PLEKHA7: variants seen among roughly 807,000 people sequenced by gnomAD.
PLEKHA7 encodes the protein pleckstrin homology domain-containing family A member 7.
Under a neutral mutation model 170.0 loss-of-function variants are expected in PLEKHA7, and 104 were observed. That is an observed-to-expected ratio of 0.61 (90% CI 0.52 to 0.72). PLEKHA7 has a LOEUF of 0.72. Ranked by LOEUF, PLEKHA7 falls within the 30% of genes least tolerant of loss-of-function variation. PLEKHA7 has a pLI of 0.00. For synonymous variants in PLEKHA7, 648 were observed against 660.8 expected (o/e 0.98, Z 0.30); for missense variants, 1,615 against 1,671.7 (o/e 0.97, Z 0.59).
At chr11:16,971,286 C>G (rs1862696899) in intron 3 of PLEKHA7, among the ~76,000 whole-genome samples, 1 of 152,212 alleles carries the variant, frequency 6.6e-6, no homozygotes, top group South Asian at 2.1e-4. Flanking sequence ...AAATGCCAGC[C>G]TGTTCTGTAA....
intron 8 of PLEKHA7, among the ~76,000 whole-genome samples, chr11:16,843,053 C>T (rs758075926): frequency 3.9e-5 from 6 of 152,208 alleles, no homozygotes; most frequent in African/African-American, 1.2e-4. Flanking sequence ...GTAAGCTACA[C>T]GAGAGTGGGA....
chr11:16,928,939 GATATTTACCAA>G (rs1683906507), intron 3 of PLEKHA7, among the ~76,000 whole-genome samples: 1 of 152,028 alleles, frequency 6.6e-6, no homozygotes, highest in African/African-American at 2.4e-5. Context: ...CTACTAGAGG[GATATTTACCAA>G]AATGTTAACA....
chr11:16,883,504 A>AGC (rs1482706003), intron 3 of PLEKHA7, among the ~76,000 whole-genome samples: 1 of 152,126 alleles, frequency 6.6e-6, no homozygotes, highest in Non-Finnish European at 1.5e-5. Flanking sequence ...CTCATGTTAA[A>AGC]GCCTCTTTAT....
intron 9 of PLEKHA7, among the ~76,000 whole-genome samples, chr11:16,839,675 C>T (rs1178189888): frequency 6.6e-6 from 1 of 151,954 alleles, no homozygotes; most frequent in Non-Finnish European, 1.5e-5. Context: ...ATAGCATTTA[C>T]ATTGTATTAG....
intron 3 of PLEKHA7, among the ~76,000 whole-genome samples, chr11:16,999,821 A>G (rs142694154): frequency 6.6e-6 from 1 of 152,300 alleles, no homozygotes; most frequent in Non-Finnish European, 1.5e-5. Flanking sequence ...AGATGCTTCT[A>G]CTTTCAGTGT....
Position 16,826,541 on chromosome 11 carries a change from C to G in PLEKHA7, c.922G>C (p.Glu308Gln). ...RQAVPQANHT[E>Q]SCHECGRVGP... is the part of the protein sequence containing the mutation. The stretch of plus-strand genomic sequence containing the variant: ...ACCCGGCCACATTCGTGACAGGACT[C>G]TGTGTGGTTGGCCTGGGGGACAGCC... Residue 308 changes from glutamate (E) to glutamine (Q), a missense_variant, in exon 10 of 27, where the codon GAG (glutamate) becomes CAG (glutamine). Coordinates refer to ENST00000531066, the MANE Select transcript of PLEKHA7 (RefSeq NM_001329630.2). The G allele has an allele frequency of 6.2e-7, 1 of 1,614,184 alleles. No individual in the cohort carries two copies. The highest frequency in any genetic ancestry group is 8.5e-7 in the Non-Finnish European group (1 of 1,180,040).
At chr11:16,995,184 C>G (rs80278134) in intron 3 of PLEKHA7, among the ~76,000 whole-genome samples, 9 of 152,280 alleles carry the variant, frequency 5.9e-5, no homozygotes, top group African/African-American at 2.2e-4. Context: ...CAGGATCACA[C>G]CACAAGCTAG....
intron 17 of PLEKHA7, among the ~76,000 whole-genome samples, chr11:16,798,752 A>C (rs571720743): frequency 3.3e-5 from 5 of 152,332 alleles, no homozygotes; most frequent in African/African-American, 9.6e-5. Context: ...ATATCCATCA[A>C]CTTTTAAGAT....
intron 24 of PLEKHA7, 38 bp downstream of exon 24, chr11:16,786,191 T>C: frequency 6.5e-7 from 1 of 1,531,586 alleles, no homozygotes; most frequent in Non-Finnish European, 8.7e-7. Flanking sequence ...TTGAAGGCCA[T>C]GTCTCCTGGA....
intron 3 of PLEKHA7, among the ~76,000 whole-genome samples, chr11:16,877,736 G>T (rs1024203326): frequency 6.6e-6 from 1 of 152,128 alleles, no homozygotes; most frequent in African/African-American, 2.4e-5. Flanking sequence ...TTCAACATCT[G>T]CCCTAAGCAA....
intron 3 of PLEKHA7, among the ~76,000 whole-genome samples, chr11:16,885,733 T>C (rs147678457): frequency 0.017 from 2,355 of 142,558 alleles, 60 homozygotes; most frequent in African/African-American, 0.057. Flanking sequence ...GTGGCTCACA[T>C]CTGTAATCCC....
intron 3 of PLEKHA7, among the ~76,000 whole-genome samples, chr11:16,943,846 A>G (rs1565141103): frequency 6.6e-6 from 1 of 152,218 alleles, no homozygotes; most frequent in East Asian, 1.9e-4. Flanking sequence ...TCAGAGTCCC[A>G]GGATCTGTCC....
intron 13 of PLEKHA7, among the ~76,000 whole-genome samples, chr11:16,810,701 CCTCT>C (rs1482175361): frequency 6.6e-6 from 1 of 152,202 alleles, no homozygotes; most frequent in Non-Finnish European, 1.5e-5. Context: ...ATGTAACTTG[CCTCT>C]CTCTATCCCA....
At chr11:16,981,389 C>A (rs773366700) in intron 3 of PLEKHA7, among the ~76,000 whole-genome samples, 43 of 152,302 alleles carry the variant, frequency 2.8e-4, no homozygotes, top group Non-Finnish European at 4.9e-4. Context: ...AGGATTCCAA[C>A]CCAGTTGGCC....
chr11:16,986,316 G>A (rs1272230059), intron 3 of PLEKHA7, among the ~76,000 whole-genome samples: 4 of 152,208 alleles, frequency 2.6e-5, no homozygotes, highest in African/African-American at 9.7e-5. Context: ...GGGGTCTTTA[G>A]GAGGCACCAG....
chr11:16,873,530 G>T (rs959976840), intron 3 of PLEKHA7, among the ~76,000 whole-genome samples: 1 of 152,190 alleles, frequency 6.6e-6, no homozygotes, highest in African/African-American at 2.4e-5. Context: ...TTGGCAGACA[G>T]CAGACTAGTC....
intron 3 of PLEKHA7, among the ~76,000 whole-genome samples, chr11:16,939,363 G>A (rs977501201): frequency 3.3e-5 from 5 of 152,094 alleles, no homozygotes; most frequent in East Asian, 3.9e-4. Flanking sequence ...GCAATGACCC[G>A]AGATCGTGCC....
In PLEKHA7 at chr11:16,800,957, G is replaced by A. The variant is rs1848554341; in HGVS notation, c.2409+17C>T. The A allele has an allele frequency of 1.3e-6, 2 of 1,596,970 alleles. No individual in the cohort carries two copies. Among genetic ancestry groups the A allele is most frequent in the East Asian group, 4.5e-5 (2 of 44,802 alleles). ...AAAAAACAAGAGCTCAGAAGAGATGGACAGGTATCAGGTCACCTGGAAAAA... is the reference window on the plus strand; with the variant it reads ...AAAAAACAAGAGCTCAGAAGAGATGAACAGGTATCAGGTCACCTGGAAAAA... On this transcript the variant is annotated intron_variant, in intron 17 of 26. Coordinates refer to ENST00000531066, the MANE Select transcript of PLEKHA7 (RefSeq NM_001329630.2).
rs576578968 is a variant in PLEKHA7 at position 16,838,975 on chromosome 11, C to T, written c.872+2572G>A. ...TGCTGGGATTACAGGTGTGAGCCAC[C>T]GCACCCGGCCACACAGCTTTCTTTA... On this transcript the variant is annotated intron_variant, in intron 9 of 26. Transcript: ENST00000531066. Among the ~76,000 whole-genome samples, 14 of 152,086 alleles carry T rather than the reference C, an allele frequency of 9.2e-5. No individual in the cohort carries two copies. In the East Asian group the frequency reaches 9.7e-4, roughly 11 times the overall value.
Sources: gnomAD v4.1 joint callset for allele counts (sites outside exome capture counted in the v4.1 genomes callset) on GRCh38, gnomAD v4.1.1 for gene constraint, MANE v1.5 for transcripts, NCBI Gene and HGNC (gene_info 2026-07-23, HGNC 2026-07-21) for gene names.